The following KCNIP4 variants were observed in gnomAD, a reference collection of about 807,000 sequenced individuals.
KCNIP4 encodes the protein potassium voltage-gated channel interacting protein 4.
A neutral mutation model predicts 34.0 loss-of-function variants in KCNIP4; 12 were observed. The observed-to-expected ratio is 0.35, with a 90% CI of 0.23 to 0.57. The LOEUF is 0.57. Ranked by LOEUF, KCNIP4 falls within the 20% of genes least tolerant of loss-of-function variation. KCNIP4 has a pLI of 0.83. For synonymous variants in KCNIP4, 124 were observed against 102.2 expected (o/e 1.21, Z -1.29); for missense variants, 238 against 311.7 (o/e 0.76, Z 1.78).
intron 1 of KCNIP4, among the ~76,000 whole-genome samples, chr4:21,022,426 C>T (rs1740158910): frequency 6.6e-6 from 1 of 152,196 alleles, no homozygotes; most frequent in African/African-American, 2.4e-5. Context: ...TTAAAAAGAT[C>T]TGCCGATGCA....
At chr4:21,247,946 TACAC>T (rs1324039534) in intron 1 of KCNIP4, among the ~76,000 whole-genome samples, 1 of 132,844 alleles carries the variant, frequency 7.5e-6, no homozygotes, top group African/African-American at 3.0e-5. Flanking sequence ...CATATATATA[TACAC>T]ACACATATAT....
At chr4:20,779,221 G>A (rs1184711892) in intron 3 of KCNIP4, among the ~76,000 whole-genome samples, 1 of 152,102 alleles carries the variant, frequency 6.6e-6, no homozygotes, top group Non-Finnish European at 1.5e-5. Flanking sequence ...AAATTCCTCT[G>A]TCCCGTGAGA....
At chr4:21,125,353 A>T (rs1750531843) in intron 1 of KCNIP4, among the ~76,000 whole-genome samples, 1 of 151,704 alleles carries the variant, frequency 6.6e-6, no homozygotes, top group African/African-American at 2.4e-5. Flanking sequence ...AGTAGCAGGG[A>T]TTAGAGGTGC....
At chr4:21,176,258 T>A (rs1029546394) in intron 1 of KCNIP4, among the ~76,000 whole-genome samples, 9 of 152,146 alleles carry the variant, frequency 5.9e-5, no homozygotes, top group Non-Finnish European at 1.0e-4. Context: ...TGTTTTCTCC[T>A]CTGAAAAGTG....
rs114655986 is a variant in KCNIP4 at position 21,265,309 on chromosome 4, T to C, written c.62-382600A>G. Among the ~76,000 whole-genome samples the C allele has an allele frequency of 5.8e-3, 884 of 152,172 alleles. 9 individuals are homozygous for C. Among genetic ancestry groups the C allele is most frequent in the African/African-American group, 0.02 (841 of 41,526 alleles). The stretch of plus-strand genomic sequence containing the variant: ...TGAGAGGATGGGGAGTGATGAGATA[T>C]TAGGTTATTGCTTAAAAGGAATTAG... On this transcript the variant is annotated intron_variant, in intron 1 of 8. Transcript: ENST00000382152.
rs1350377844 is a variant in KCNIP4 at position 21,519,492 on chromosome 4, GTGTGTA to G, written c.61+429073_61+429078del. The stretch of plus-strand genomic sequence containing the variant: ...TATGTGTATGTGTATATACACATAT[GTGTGTA>G]TGTGTATGTGTATATACACATATGT... On this transcript the variant is annotated intron_variant, in intron 1 of 8. Coordinates refer to ENST00000382152, the MANE Select transcript of KCNIP4 (RefSeq NM_025221.6). 9.3e-5 allele frequency among the ~76,000 whole-genome samples: 12 copies of G among 128,920 alleles called. 1 individual carries two copies. Among genetic ancestry groups the G allele is most frequent in the South Asian group, 2.4e-4 (1 of 4,144 alleles). 84.6% of individuals were successfully genotyped at this position (128,920 alleles called of 152,430 possible). A position where few individuals can be genotyped will look rare whatever the true frequency, so the allele number is the denominator to read the frequency against.
intron 1 of KCNIP4, among the ~76,000 whole-genome samples, chr4:21,534,763 C>T (rs59474342): frequency 0.068 from 10,412 of 152,104 alleles, 538 homozygotes; most frequent in South Asian, 0.17. Context: ...AGGAGAACCA[C>T]GAGCCCATCT....
chr4:21,626,883 C>T (rs1745376572), intron 1 of KCNIP4, among the ~76,000 whole-genome samples: 1 of 151,910 alleles, frequency 6.6e-6, no homozygotes, highest in Non-Finnish European at 1.5e-5. Context: ...TTTCCCCAGG[C>T]TACACTCTTT....
chr4:21,719,885 C>CCTGGGAGGTTCCCAGCTA (rs1397128921), intron 1 of KCNIP4, among the ~76,000 whole-genome samples: 1 of 150,600 alleles, frequency 6.6e-6, no homozygotes, highest in African/African-American at 2.5e-5. Context: ...ATCACTTGAA[C>CCTGGGAGGTTCCCAGCTA]CTGGGAGGCA....
intron 3 of KCNIP4, among the ~76,000 whole-genome samples, chr4:20,771,779 C>T (rs1317973215): frequency 1.4e-4 from 22 of 152,124 alleles, no homozygotes; most frequent in Non-Finnish European, 2.8e-4. Context: ...AAGTGATTCT[C>T]CCGCCTTGGC....
At chr4:21,765,158 C>CTTTT (rs35619474) in intron 1 of KCNIP4, among the ~76,000 whole-genome samples, 1 of 146,268 alleles carries the variant, frequency 6.8e-6, no homozygotes, top group African/African-American at 2.5e-5. Flanking sequence ...TGAAGAGAAC[C>CTTTT]TTTTTTTTTT....
intron 1 of KCNIP4, among the ~76,000 whole-genome samples, chr4:21,293,000 A>T (rs1051120493): frequency 2.0e-5 from 3 of 152,206 alleles, no homozygotes; most frequent in African/African-American, 7.2e-5. Flanking sequence ...TATCTGTCCT[A>T]AACGGGGAGG....
At chr4:21,048,096 T>G (rs1742595134) in intron 1 of KCNIP4, among the ~76,000 whole-genome samples, 1 of 152,226 alleles carries the variant, frequency 6.6e-6, no homozygotes, top group Non-Finnish European at 1.5e-5. Flanking sequence ...TTTTGTATCT[T>G]TACCCTGAGT....
intron 1 of KCNIP4, among the ~76,000 whole-genome samples, chr4:21,148,306 A>T (rs1560764787): frequency 6.6e-6 from 1 of 152,324 alleles, no homozygotes; most frequent in East Asian, 1.9e-4. Context: ...AAAACAGAGG[A>T]TGCTGGAGTC....
intron 1 of KCNIP4, among the ~76,000 whole-genome samples, chr4:21,103,106 A>T (rs1414555667): frequency 6.6e-6 from 1 of 151,882 alleles, no homozygotes; most frequent in Non-Finnish European, 1.5e-5. Flanking sequence ...GGGGTGATAG[A>T]TATATTATGG....
At chr4:21,940,416 C>G (rs1730138150) in intron 1 of KCNIP4, among the ~76,000 whole-genome samples, 1 of 152,138 alleles carries the variant, frequency 6.6e-6, no homozygotes, top group Non-Finnish European at 1.5e-5. Flanking sequence ...CTCACTTCAT[C>G]CTTAACTCTG....
intron 1 of KCNIP4, among the ~76,000 whole-genome samples, chr4:21,139,763 C>T (rs1196678174): frequency 1.3e-5 from 2 of 152,164 alleles, no homozygotes; most frequent in African/African-American, 2.4e-5. Flanking sequence ...AGATGTGAAT[C>T]TCAGGGGCAT....
At chr4:21,394,256 C>A (rs1722791228) in intron 1 of KCNIP4, among the ~76,000 whole-genome samples, 1 of 152,092 alleles carries the variant, frequency 6.6e-6, no homozygotes, top group African/African-American at 2.4e-5. Flanking sequence ...TCTAAAAATT[C>A]AGTGCTCCTT....
At chr4:21,339,277 A>T (rs1270600866) in intron 1 of KCNIP4, among the ~76,000 whole-genome samples, 1 of 152,208 alleles carries the variant, frequency 6.6e-6, no homozygotes, top group Non-Finnish European at 1.5e-5. Flanking sequence ...AATAAGAATG[A>T]GAAGGCAATT....
Sources: gnomAD v4.1 joint callset for allele counts (sites outside exome capture counted in the v4.1 genomes callset) on GRCh38, gnomAD v4.1.1 for gene constraint, MANE v1.5 for transcripts, NCBI Gene and HGNC (gene_info 2026-07-23, HGNC 2026-07-21) for gene names.